The following PDE11A variants were observed in gnomAD, a reference collection of about 807,000 sequenced individuals.
PDE11A encodes dual 3',5'-cyclic-AMP and -GMP phosphodiesterase 11A.
In PDE11A, 100 loss-of-function variants were observed where a neutral mutation model predicts 100.5. That is an observed-to-expected ratio of 1.00 (90% CI 0.85 to 1.18). PDE11A has a LOEUF of 1.18. Among genes scored for constraint, PDE11A ranks in the 50% most tolerant of loss-of-function variants. The pLI is 0.00. For synonymous variants in PDE11A, 381 were observed against 420.8 expected, an observed-to-expected ratio of 0.91 and a Z score of 1.16; for missense variants, 1,141 against 1,152.6, an observed-to-expected ratio of 0.99 and a Z score of 0.15.
chr2:177,786,558 GAGA>G (rs1347215805), intron 9 of PDE11A, among the ~76,000 whole-genome samples: 3 of 152,202 alleles, frequency 2.0e-5, no homozygotes, highest in African/African-American at 4.8e-5. Flanking sequence ...GACGAGTTGA[GAGA>G]AGAAGGCTTC....
rs1559062310 is a variant in PDE11A, at chr2:178,071,618, T to C, written c.820A>G (p.Asn274Asp). The C allele has an allele frequency of 1.2e-6, 2 of 1,613,838 alleles. No individual in the cohort carries two copies. The highest frequency in any genetic ancestry group is 1.7e-6 in the Non-Finnish European group (2 of 1,179,866). Residue 274 changes from asparagine (N) to aspartate (D), a missense_variant, in exon 1 of 20, where the codon AAC (asparagine) becomes GAC (aspartate). Physicochemically the swap from Asn to Asp is conservative, Grantham distance 23. Transcript: ENST00000286063. ...TPLLPCSSTE[N>D]SNEVQVPWGK... ...CAGGGGACCTGCACCTCATTTGAGTTCTCTGTGCTGCTGCAAGGCAGCAGA... is the reference window on the plus strand; with the variant it reads ...CAGGGGACCTGCACCTCATTTGAGTCCTCTGTGCTGCTGCAAGGCAGCAGA...
At chr2:177,979,355 TATG>T (rs1327435534) in intron 2 of PDE11A, among the ~76,000 whole-genome samples, 2 of 150,648 alleles carry the variant, frequency 1.3e-5, no homozygotes, top group African/African-American at 4.8e-5. Flanking sequence ...GAAAATGAAA[TATG>T]GCTTACATGG....
In PDE11A at chr2:177,762,359, G is replaced by A. The variant is rs575765543; in HGVS notation, c.1788+6964C>T. Among the ~76,000 whole-genome samples the A allele has an allele frequency of 3.3e-5, 5 of 152,268 alleles. No individual in the cohort carries two copies. In the East Asian group the frequency reaches 7.7e-4, roughly 23 times the overall value. On this transcript the variant is annotated intron_variant, in intron 10 of 19. Transcript: ENST00000286063. ...GACTACGTGTTCTTCATTTCCTGGC[G>A]TCACAGCTAGAGTTATCAATGGATC...
chr2:177,631,666 CACAT>C (rs1390641790), intron 19 of PDE11A, among the ~76,000 whole-genome samples: 7 of 142,872 alleles, frequency 4.9e-5, no homozygotes, highest in African/African-American at 1.9e-4. Flanking sequence ...TATATATATA[CACAT>C]ATATATATGG....
chr2:177,712,051 C>A (rs1016491397), intron 12 of PDE11A, among the ~76,000 whole-genome samples, 173 bp from the exon 13 acceptor site: 5 of 152,224 alleles, frequency 3.3e-5, no homozygotes, highest in African/African-American at 7.2e-5. Flanking sequence ...AGCCTAAGGT[C>A]CCCACAGTGA....
At position 177,943,051 on chromosome 2, in the gene PDE11A, TC is replaced by T. The variant is rs1399479798; in HGVS notation, c.1072-37865del. Among the ~76,000 whole-genome samples, 3 of 152,342 alleles carry T rather than the reference TC, an allele frequency of 2.0e-5. No individual in the cohort carries two copies. The East Asian group carries it at 5.8e-4, about 29-fold the overall frequency. On this transcript the variant is annotated intron_variant, in intron 2 of 19. Transcript: ENST00000286063. ...TGTCGTAGCATGTAACAGGATTTCT[TC>T]CCTTTTTAAAGCTGAAAAATATTCC...
chr2:177,676,528 A>AG (rs747238600), intron 16 of PDE11A, among the ~76,000 whole-genome samples: 140 of 152,116 alleles, frequency 9.2e-4, no homozygotes, highest in Non-Finnish European at 1.5e-3. Flanking sequence ...CTTAGATGGC[A>AG]GGGGGGTCCC....
At chr2:177,860,342 T>C (rs1244425265) in intron 5 of PDE11A, among the ~76,000 whole-genome samples, 2 of 151,490 alleles carry the variant, frequency 1.3e-5, no homozygotes, top group Non-Finnish European at 3.0e-5. Flanking sequence ...TGCCAAAAAA[T>C]TAGGTAACAA....
chr2:177,839,356 T>C (rs1465614645), intron 6 of PDE11A, among the ~76,000 whole-genome samples: 3 of 152,250 alleles, frequency 2.0e-5, no homozygotes, highest in Admixed American at 6.5e-5. Flanking sequence ...AACTGTTCAG[T>C]TGTTATCATT....
At position 177,769,392 on chromosome 2, in the gene PDE11A, A is replaced by C. The variant is rs201535754; in HGVS notation, c.1738-19T>G. 2 of 1,462,832 alleles carry C rather than the reference A, an allele frequency of 1.4e-6. No homozygotes were observed. Among genetic ancestry groups the C allele is most frequent in the Non-Finnish European group, 1.9e-6 (2 of 1,042,506 alleles). The allele number at this position is 1,462,832 out of a possible 1,614,324, so 90.6% of individuals were successfully genotyped here. A position where few individuals can be genotyped will look rare whatever the true frequency, so the allele number is the denominator to read the frequency against. On this transcript the variant is annotated intron_variant, in intron 9 of 19. Transcript: ENST00000286063. ...ATAGCACCTGATTCAGAAGAAAAAA[A>C]AATAATTTTAATAACTAGACATGAC...
Position 178,071,510 on chromosome 2 carries a change from C to T in PDE11A, c.912+16G>A. On this transcript the variant is annotated intron_variant, in intron 1 of 19. Transcript: ENST00000286063. The stretch of plus-strand genomic sequence containing the variant: ...CCAATGGGGCTCTGGGAGAAGGGGA[C>T]AATGCAAAGTCCTACCTGGTAGGCA... The T allele has an allele frequency of 6.2e-7, 1 of 1,613,234 alleles. No individual in the cohort carries two copies. The highest frequency in any genetic ancestry group is 8.5e-7 in the Non-Finnish European group (1 of 1,179,260).
At chr2:177,845,217 G>T (rs1223296460) in intron 5 of PDE11A, among the ~76,000 whole-genome samples, 1 of 151,152 alleles carries the variant, frequency 6.6e-6, no homozygotes, top group Admixed American at 6.6e-5. Flanking sequence ...GGGCGGAGAC[G>T]CTCCTCACTT....
At chr2:177,959,215 A>C (rs1444994381) in intron 2 of PDE11A, among the ~76,000 whole-genome samples, 1 of 152,212 alleles carries the variant, frequency 6.6e-6, no homozygotes, top group East Asian at 1.9e-4. Context: ...GGTATGAGTC[A>C]GGAACAGAAA....
intron 9 of PDE11A, among the ~76,000 whole-genome samples, chr2:177,806,507 C>T (rs941043882): frequency 6.6e-6 from 1 of 152,144 alleles, no homozygotes; most frequent in Admixed American, 6.5e-5. Context: ...ATCACATATC[C>T]TCTTTATGAG....
intron 5 of PDE11A, among the ~76,000 whole-genome samples, chr2:177,854,315 A>T (rs1363960089): frequency 6.6e-6 from 1 of 152,074 alleles, no homozygotes. Flanking sequence ...ATTCAATGCC[A>T]TGAAAAAGAA....
chr2:178,090,930 C>T (rs963150385), intron 2 of PDE11A, among the ~76,000 whole-genome samples: 4 of 152,218 alleles, frequency 2.6e-5, no homozygotes, highest in African/African-American at 9.7e-5. Context: ...TTCTCCCCGA[C>T]TTACCAGATG....
chr2:177,831,313 C>A (rs2083305216), intron 6 of PDE11A, among the ~76,000 whole-genome samples: 1 of 152,204 alleles, frequency 6.6e-6, no homozygotes. Flanking sequence ...AAAAGGAAGA[C>A]CAACAGTTTC....
At chr2:177,841,116 C>T (rs894760322) in intron 5 of PDE11A, among the ~76,000 whole-genome samples, 2 of 152,130 alleles carry the variant, frequency 1.3e-5, no homozygotes, top group Non-Finnish European at 2.9e-5. Context: ...ATTTTTTGAA[C>T]TTTCCCTTGT....
At chr2:177,777,845 T>G (rs2082399575) in intron 9 of PDE11A, among the ~76,000 whole-genome samples, 1 of 152,218 alleles carries the variant, frequency 6.6e-6, no homozygotes, top group South Asian at 2.1e-4. Context: ...CACAGAACAC[T>G]TGATGAGCAT....
Sources: allele counts gnomAD v4.1 joint callset (sites outside exome capture counted in the v4.1 genomes callset), GRCh38; gene constraint gnomAD v4.1.1; transcripts MANE v1.5; gene names NCBI Gene and HGNC (gene_info 2026-07-23, HGNC 2026-07-21).